Variants in DNAH3 observed in about 807,000 individuals in gnomAD.
DNAH3 encodes the protein dynein axonemal heavy chain 3.
Under a neutral mutation model 432.5 loss-of-function variants are expected in DNAH3, and 332 were observed. The observed-to-expected ratio is 0.77, with a 90% CI of 0.70 to 0.84. DNAH3 has a LOEUF of 0.84. Ranked by LOEUF, DNAH3 falls within the 40% of genes least tolerant of loss-of-function variation. DNAH3 has a pLI of 0.00. For synonymous variants in DNAH3, 1,956 were observed against 1,900.2 expected, an observed-to-expected ratio of 1.03 and a Z score of -0.76; for missense variants, 4,861 against 5,114.0, an observed-to-expected ratio of 0.95 and a Z score of 1.51.
chr16:20,989,914 A>G (rs1040180183), intron 44 of DNAH3, among the ~76,000 whole-genome samples: 2 of 152,182 alleles, frequency 1.3e-5, no homozygotes, highest in Non-Finnish European at 2.9e-5. Flanking sequence ...CGGGGCCGGC[A>G]GGGCCGGCCG....
At chr16:20,990,321 G>A (rs893366115) in intron 44 of DNAH3, among the ~76,000 whole-genome samples, 5 of 152,242 alleles carry the variant, frequency 3.3e-5, no homozygotes, top group African/African-American at 1.2e-4. Context: ...ATAGATCTAT[G>A]TATCTGTCTA....
intron 42 of DNAH3, among the ~76,000 whole-genome samples, chr16:21,002,277 G>C (rs2152692177): frequency 1.3e-5 from 2 of 152,150 alleles, no homozygotes; most frequent in East Asian, 3.9e-4. Context: ...TGTTCCACAA[G>C]GATTGAAAAG....
intron 36 of DNAH3, 77 bp from the exon 37 acceptor site, chr16:21,031,363 A>C: frequency 6.5e-7 from 1 of 1,541,172 alleles, no homozygotes; most frequent in Non-Finnish European, 8.8e-7. Context: ...ATGTCATCTC[A>C]ACAACCAATC....
chr16:21,068,154 T>C (rs1479909093), intron 23 of DNAH3, among the ~76,000 whole-genome samples: 1 of 152,070 alleles, frequency 6.6e-6, no homozygotes, highest in Non-Finnish European at 1.5e-5. Flanking sequence ...GAAAGGAAAA[T>C]GATTTGACCT....
chr16:20,979,702 G>A (rs2085766598), intron 49 of DNAH3, among the ~76,000 whole-genome samples, 156 bp from the exon 50 acceptor site: 1 of 152,082 alleles, frequency 6.6e-6, no homozygotes, highest in Non-Finnish European at 1.5e-5. Context: ...CAGAGCTGAG[G>A]CAGAGAAGGA....
intron 55 of DNAH3, 124 bp downstream of exon 55, chr16:20,954,689 T>G: frequency 9.2e-7 from 1 of 1,088,220 alleles, no homozygotes; most frequent in Non-Finnish European, 1.3e-6. Context: ...GCCTGGAAAA[T>G]ATTTATACCG....
At chr16:21,151,256 G>A (rs2092849835) in intron 1 of DNAH3, among the ~76,000 whole-genome samples, 1 of 151,946 alleles carries the variant, frequency 6.6e-6, no homozygotes, top group African/African-American at 2.4e-5. Flanking sequence ...GGGTTAACGG[G>A]ATAACGTGTA....
At chr16:20,947,962 G>C (rs1206216248) in intron 57 of DNAH3, among the ~76,000 whole-genome samples, 5 of 152,046 alleles carry the variant, frequency 3.3e-5, no homozygotes, top group Non-Finnish European at 7.4e-5. Flanking sequence ...TTTTAGAAGA[G>C]ATGGGGTTTC....
exon 8 of DNAH3, chr16:21,127,740 A>G (rs1160740226): frequency 1.9e-6 from 3 of 1,614,172 alleles, no homozygotes; most frequent in Middle Eastern, 1.6e-4. Context: ...TCACATCCCA[A>G]AATTCCTGAG....
chr16:21,121,567 T>A (rs555273687), intron 10 of DNAH3, among the ~76,000 whole-genome samples: 1 of 151,750 alleles, frequency 6.6e-6, no homozygotes, highest in African/African-American at 2.4e-5. Context: ...GACACTATAC[T>A]CTCTCACAAA....
chr16:21,141,151 T>A, intron 4 of DNAH3, 149 bp downstream of exon 5: 2 of 652,292 alleles, frequency 3.1e-6, no homozygotes, highest in Non-Finnish European at 5.1e-6. Context: ...AAAAAAAAAT[T>A]TTTTTTTTGA....
chr16:21,078,758 G>A (rs2091069185), intron 20 of DNAH3, among the ~76,000 whole-genome samples: 2 of 152,252 alleles, frequency 1.3e-5, no homozygotes, highest in Non-Finnish European at 1.5e-5. Flanking sequence ...GGGAATTCAT[G>A]AAATATATCA....
intron 5 of DNAH3, among the ~76,000 whole-genome samples, chr16:21,138,628 T>C (rs888917329): frequency 2.6e-5 from 4 of 152,142 alleles, no homozygotes; most frequent in Admixed American, 2.6e-4. Context: ...TTGACCTACA[T>C]AGTGAAACCC....
At chr16:21,052,258 C>T (rs886650993) in intron 28 of DNAH3, among the ~76,000 whole-genome samples, 12 of 152,184 alleles carry the variant, frequency 7.9e-5, no homozygotes, top group Admixed American at 2.6e-4. Context: ...TCCCAAAGTG[C>T]TGAGATTACA....
At chr16:21,014,892 A>T (rs2152705429) in intron 41 of DNAH3, among the ~76,000 whole-genome samples, 1 of 152,022 alleles carries the variant, frequency 6.6e-6, no homozygotes, top group East Asian at 1.9e-4. Context: ...AATATACAAG[A>T]TCTATATGAG....
At chr16:20,988,570 G>A (rs1346735199) in intron 44 of DNAH3, among the ~76,000 whole-genome samples, 1 of 152,186 alleles carries the variant, frequency 6.6e-6, no homozygotes, top group Non-Finnish European at 1.5e-5. Flanking sequence ...CTCCCAGAGT[G>A]CTGTGATTGC....
In DNAH3 at chr16:21,062,616, G is replaced by A. The variant is rs2090400776; in HGVS notation, c.3586C>T (p.Gln1196Ter). 2 of 1,614,018 alleles carry A rather than the reference G, an allele frequency of 1.2e-6. No individual in the cohort carries two copies. Among genetic ancestry groups the A allele is most frequent in the Non-Finnish European group, 1.7e-6 (2 of 1,179,970 alleles). The stretch of plus-strand genomic sequence containing the variant: ...TCAAAGCACTTCTTCAAGTGCGGCT[G>A]CACTCGGAGAGGGTCCTTTGTCTCG... Residue 1196 changes from glutamine (Q) to a stop codon, truncating the protein, a stop_gained, in exon 25 of 62, where the codon CAG (glutamine) becomes TAG (stop). Transcript: ENST00000261383. LOFTEE classifies it high-confidence loss of function.
chr16:21,035,342 G>T lies in DNAH3; in HGVS notation c.5086-1257C>A, dbSNP rs191172640. ...ACTGTTTAAAATAAAAAACGAATAAGAGAGGAAAACATTAAAGATTCAATA... is the reference window on the plus strand; with the variant it reads ...ACTGTTTAAAATAAAAAACGAATAATAGAGGAAAACATTAAAGATTCAATA... On this transcript the variant is annotated intron_variant, in intron 35 of 61. Coordinates refer to ENST00000261383, the Ensembl canonical transcript of DNAH3. Among the ~76,000 whole-genome samples, 335 of 152,152 alleles carry T rather than the reference G, an allele frequency of 2.2e-3. 1 individual carries two copies. Among genetic ancestry groups the T allele is most frequent in the African/African-American group, 7.9e-3 (330 of 41,516 alleles).
intron 26 of DNAH3, among the ~76,000 whole-genome samples, chr16:21,058,890 G>A (rs1186972213): frequency 2.1e-5 from 3 of 144,498 alleles, no homozygotes; most frequent in East Asian, 2.0e-4. Context: ...TAATGCATGC[G>A]GGGCTTAAAA....
Sources: gnomAD v4.1 joint callset for allele counts (sites outside exome capture counted in the v4.1 genomes callset) on GRCh38, gnomAD v4.1.1 for gene constraint, MANE v1.5 for transcripts, NCBI Gene and HGNC (gene_info 2026-07-23, HGNC 2026-07-21) for gene names.